Variants in EXT1 observed in about 807,000 individuals in gnomAD.
The protein encoded by EXT1 is exostosin-1.
Under a neutral mutation model 82.5 loss-of-function variants are expected in EXT1, and 20 were observed. The ratio of observed to expected loss-of-function variants is 0.24; its 90% CI spans 0.17 to 0.35. The LOEUF is 0.35. EXT1 is among the 10% of genes least tolerant of loss of function. The pLI is 1.00. For synonymous variants in EXT1, 348 were observed against 350.8 expected, an observed-to-expected ratio of 0.99 and a Z score of 0.09; for missense variants, 757 against 936.5, an observed-to-expected ratio of 0.81 and a Z score of 2.50.
At chr8:117,930,459 A>G (rs11562674) in intron 1 of EXT1, among the ~76,000 whole-genome samples, 6,830 of 152,250 alleles carry the variant, frequency 0.045, 508 homozygotes, top group African/African-American at 0.15. Context: ...CTACAGTTGG[A>G]AGATTATAGA....
At chr8:118,026,984 T>C (rs1196892631) in intron 1 of EXT1, among the ~76,000 whole-genome samples, 2 of 152,202 alleles carry the variant, frequency 1.3e-5, no homozygotes, top group Admixed American at 6.5e-5. Flanking sequence ...CATGTGCCTG[T>C]AGTCTCAGTT....
At chr8:118,088,614 T>C (rs1817469644) in intron 1 of EXT1, among the ~76,000 whole-genome samples, 1 of 151,776 alleles carries the variant, frequency 6.6e-6, no homozygotes, top group Admixed American at 6.6e-5. Context: ...CAACTGTGGG[T>C]TCTAATCAGA....
intron 1 of EXT1, among the ~76,000 whole-genome samples, chr8:118,086,965 G>C (rs1451945311): frequency 6.6e-6 from 1 of 152,152 alleles, no homozygotes; most frequent in African/African-American, 2.4e-5. Flanking sequence ...ACAAGACTCT[G>C]CAACATCACA....
At chr8:118,059,106 A>C (rs1178129574) in intron 1 of EXT1, among the ~76,000 whole-genome samples, 3 of 152,222 alleles carry the variant, frequency 2.0e-5, no homozygotes, top group Non-Finnish European at 4.4e-5. Flanking sequence ...AAATACACCT[A>C]CTTTGGCCTG....
Position 117,878,406 on chromosome 8 carries a change from A to G in EXT1, c.963-41205T>C, listed in dbSNP as rs1813006283. ...AAAATCAAAGGAAAAACTCATTGAA[A>G]ATAAATGACATAGCACATTTCATCG... On this transcript the variant is annotated intron_variant, in intron 1 of 10. Transcript: ENST00000378204. Among the ~76,000 whole-genome samples the G allele has an allele frequency of 2.0e-5, 3 of 152,244 alleles. No individual in the cohort carries two copies. In the South Asian group the frequency reaches 6.2e-4, roughly 31 times the overall value.
chr8:117,835,576 A>C, intron 2 of EXT1, 25 bp from the exon 3 acceptor site: 1 of 1,545,080 alleles, frequency 6.5e-7, no homozygotes, highest in Non-Finnish European at 9.0e-7. Context: ...GGACTTCGTG[A>C]ATGTGAGGAA....
intron 1 of EXT1, among the ~76,000 whole-genome samples, chr8:117,971,472 A>C (rs547559285): frequency 4.6e-5 from 7 of 152,204 alleles, no homozygotes; most frequent in Admixed American, 3.3e-4. Context: ...ACAGAAACTT[A>C]CAGGAAGAAA....
chr8:117,848,147 AAG>A (rs1812395704), intron 1 of EXT1, among the ~76,000 whole-genome samples: 3 of 152,206 alleles, frequency 2.0e-5, no homozygotes, highest in Admixed American at 2.0e-4. Flanking sequence ...TGTCTATGGA[AAG>A]TTTAATCTTT....
At chr8:117,847,902 T>C (rs961131952) in intron 1 of EXT1, among the ~76,000 whole-genome samples, 6 of 152,200 alleles carry the variant, frequency 3.9e-5, no homozygotes, top group African/African-American at 1.4e-4. Flanking sequence ...GAGAATCCAA[T>C]GACAGTTTGT....
intron 1 of EXT1, among the ~76,000 whole-genome samples, chr8:118,098,535 T>C (rs1425164637): frequency 6.6e-6 from 1 of 151,916 alleles, no homozygotes; most frequent in Non-Finnish European, 1.5e-5. Flanking sequence ...GGCGGACAGA[T>C]CACGAGGTCA....
At chr8:118,096,079 C>T (rs925055667) in intron 1 of EXT1, among the ~76,000 whole-genome samples, 20 of 152,280 alleles carry the variant, frequency 1.3e-4, no homozygotes, top group Non-Finnish European at 2.6e-4. Context: ...TATCAGTTAG[C>T]AGAGTTTGAA....
intron 1 of EXT1, among the ~76,000 whole-genome samples, chr8:118,050,235 G>A (rs1409898270): frequency 1.3e-5 from 2 of 152,194 alleles, no homozygotes; most frequent in Admixed American, 6.5e-5. Context: ...CAATGAACCC[G>A]AAATATTTGT....
At chr8:117,844,235 C>G (rs1261250155) in intron 1 of EXT1, among the ~76,000 whole-genome samples, 1 of 151,624 alleles carries the variant, frequency 6.6e-6, no homozygotes, top group East Asian at 1.9e-4. Flanking sequence ...TCACTGCAGC[C>G]CCGACCTCCT....
chr8:117,914,096 G>C (rs535426353), intron 1 of EXT1, among the ~76,000 whole-genome samples: 1 of 152,160 alleles, frequency 6.6e-6, no homozygotes, highest in Admixed American at 6.5e-5. Flanking sequence ...AATTTATATG[G>C]TGTCTCCTAG....
intron 1 of EXT1, among the ~76,000 whole-genome samples, chr8:117,857,643 T>C (rs548436696): frequency 6.6e-6 from 1 of 151,982 alleles, no homozygotes; most frequent in Non-Finnish European, 1.5e-5. Flanking sequence ...GTGGTTACAG[T>C]GAGCTATGAC....
intron 1 of EXT1, among the ~76,000 whole-genome samples, chr8:117,849,297 TC>T (rs1041237825): frequency 6.6e-6 from 1 of 152,178 alleles, no homozygotes; most frequent in African/African-American, 2.4e-5. Flanking sequence ...ACCTTCTTTC[TC>T]CCCAAATGTA....
chr8:118,095,966 G>T (rs7010382), intron 1 of EXT1, among the ~76,000 whole-genome samples: 1 of 152,076 alleles, frequency 6.6e-6, no homozygotes, highest in East Asian at 1.9e-4. Flanking sequence ...GCTTTTCCCC[G>T]CTTTGCCTTT....
chr8:117,821,653 T>C (rs928391620), intron 5 of EXT1, among the ~76,000 whole-genome samples: 2 of 152,192 alleles, frequency 1.3e-5, no homozygotes, highest in East Asian at 3.8e-4. Flanking sequence ...CATGTACAAC[T>C]TAAAAGGGTG....
chr8:118,041,749 C>A (rs1374495956), intron 1 of EXT1, among the ~76,000 whole-genome samples: 1 of 150,832 alleles, frequency 6.6e-6, no homozygotes, highest in Non-Finnish European at 1.5e-5. Context: ...GAGTTTGAGA[C>A]CAGCCTGGCC....
Sources: allele counts gnomAD v4.1 joint callset (sites outside exome capture counted in the v4.1 genomes callset), GRCh38; gene constraint gnomAD v4.1.1; transcripts MANE v1.5; gene names NCBI Gene and HGNC (gene_info 2026-07-23, HGNC 2026-07-21).